Variants in PRKAG2 observed in about 807,000 individuals in gnomAD.
PRKAG2 encodes protein kinase AMP-activated non-catalytic subunit gamma 2, also known as 5'-AMP-activated protein kinase subunit gamma-2.
A neutral mutation model predicts 69.6 loss-of-function variants in PRKAG2; 26 were observed. That is an observed-to-expected ratio of 0.37 (90% CI 0.27 to 0.52). The LOEUF is 0.52. Among genes scored for constraint, PRKAG2 ranks in the 20% least tolerant of loss-of-function variants. PRKAG2 has a pLI of 0.90. For missense variants in PRKAG2, 557 were observed against 740.0 expected, an observed-to-expected ratio of 0.75 and a Z score of 2.87; for synonymous variants, 293 against 285.0, an observed-to-expected ratio of 1.03 and a Z score of -0.28.
At chr7:151,676,181 G>A (rs1407473644) in intron 3 of PRKAG2, among the ~76,000 whole-genome samples, 3 of 147,194 alleles carry the variant, frequency 2.0e-5, no homozygotes, top group African/African-American at 5.0e-5. Context: ...GGGGAAGTTC[G>A]GAAAATGTGC....
At chr7:151,852,158 G>A (rs111775877) in intron 1 of PRKAG2, among the ~76,000 whole-genome samples, 34 of 152,304 alleles carry the variant, frequency 2.2e-4, no homozygotes, top group African/African-American at 6.5e-4. Context: ...AGCTCAGACC[G>A]AGGCACTGGT....
chr7:151,731,085 G>A (rs1466079017), intron 3 of PRKAG2, among the ~76,000 whole-genome samples: 1 of 152,212 alleles, frequency 6.6e-6, no homozygotes, highest in African/African-American at 2.4e-5. Context: ...ATTGCAGAGG[G>A]TGAAAGCGCT....
intron 1 of PRKAG2, among the ~76,000 whole-genome samples, chr7:151,868,252 C>A (rs2080127593): frequency 6.6e-6 from 1 of 152,186 alleles, no homozygotes; most frequent in African/African-American, 2.4e-5. Context: ...GAGTGAGATT[C>A]CAATTAACCA....
chr7:151,713,336 T>G (rs914191224), intron 3 of PRKAG2, among the ~76,000 whole-genome samples: 2 of 152,200 alleles, frequency 1.3e-5, no homozygotes, highest in Non-Finnish European at 2.9e-5. Flanking sequence ...CAGACCCTTT[T>G]GTTTAATTCT....
intron 3 of PRKAG2, among the ~76,000 whole-genome samples, chr7:151,747,425 C>T (rs551722135): frequency 3.3e-5 from 5 of 152,158 alleles, no homozygotes; most frequent in South Asian, 2.1e-4. Context: ...GGCGTGGTGG[C>T]GGGCGCCTGT....
At chr7:151,740,874 G>A (rs1008869227) in intron 3 of PRKAG2, among the ~76,000 whole-genome samples, 3 of 152,216 alleles carry the variant, frequency 2.0e-5, no homozygotes, top group Admixed American at 6.5e-5. Context: ...AACAAGCCGC[G>A]AAATCTACCG....
rs1429742334 is a variant in PRKAG2 at position 151,632,156 on chromosome 7, G to A, written c.685-18C>T. 1 of 1,371,472 alleles carries A rather than the reference G, an allele frequency of 7.3e-7. No individual in the cohort carries two copies. Among genetic ancestry groups the A allele is most frequent in the Non-Finnish European group, 9.5e-7 (1 of 1,049,324 alleles). The allele number at this position is 1,371,472 out of a possible 1,614,324, so 85.0% of individuals were successfully genotyped here. A position where few individuals can be genotyped will look rare whatever the true frequency, so the allele number is the denominator to read the frequency against. On this transcript the variant is annotated intron_variant, in intron 4 of 15. Transcript: ENST00000287878. This position sits in a 1 kb window ranked among gnomAD's most constrained non-coding sequence, Gnocchi z 4.2. ...AGCGCCGCCTGAGGGGGAGGAGGAG[G>A]ACAGCGATCAGCATGAGCTGCGACG...
chr7:151,584,402 G>A (rs1288301858), intron 6 of PRKAG2, among the ~76,000 whole-genome samples: 1 of 152,034 alleles, frequency 6.6e-6, no homozygotes, highest in Non-Finnish European at 1.5e-5. Context: ...TGAATGGGCA[G>A]CCATCTGACA....
chr7:151,753,658 T>C (rs1193921457), intron 3 of PRKAG2, among the ~76,000 whole-genome samples: 2 of 152,106 alleles, frequency 1.3e-5, no homozygotes, highest in East Asian at 3.9e-4. Context: ...GCTCAAGTGA[T>C]CCACTACCTT....
chr7:151,740,790 G>GT (rs761730124), intron 3 of PRKAG2, among the ~76,000 whole-genome samples: 3 of 152,200 alleles, frequency 2.0e-5, no homozygotes, highest in Non-Finnish European at 2.9e-5. Flanking sequence ...GGCCTTCAGG[G>GT]TTGGAGGGTG....
At chr7:151,612,000 G>T (rs1267257130) in intron 5 of PRKAG2, among the ~76,000 whole-genome samples, 1 of 152,232 alleles carries the variant, frequency 6.6e-6, no homozygotes, top group East Asian at 1.9e-4. Flanking sequence ...AGCTGAGATT[G>T]TGTCACCGCA....
In PRKAG2 at chr7:151,870,111, TGATAGATAGATA is replaced by T. The variant is rs57003272; in HGVS notation, c.114+6384_114+6395del. 2.2e-4 allele frequency among the ~76,000 whole-genome samples: 26 copies of T among 120,400 alleles called. No homozygotes were observed. The East Asian group carries it at 5.2e-3, about 24-fold the overall frequency. 79.0% of individuals were successfully genotyped at this position (120,400 alleles called of 152,430 possible). A position where few individuals can be genotyped will look rare whatever the true frequency, so the allele number is the denominator to read the frequency against. ...TCAATGACAGCTGAAAAGGTGCAGATGATAGATAGATAGATAGATAGATAGATAGATAGATAG... is the reference window on the plus strand; with the variant it reads ...TCAATGACAGCTGAAAAGGTGCAGATGATAGATAGATAGATAGATAGATAG... On this transcript the variant is annotated intron_variant, in intron 1 of 15. Coordinates refer to ENST00000287878, the MANE Select transcript of PRKAG2 (RefSeq NM_016203.4).
At chr7:151,613,654 C>G (rs1475477490) in intron 5 of PRKAG2, among the ~76,000 whole-genome samples, 1 of 151,678 alleles carries the variant, frequency 6.6e-6, no homozygotes, top group Non-Finnish European at 1.5e-5. Context: ...CCCACCACCA[C>G]GCCTGGCTAA....
At chr7:151,819,063 C>A (rs1216287580) in intron 1 of PRKAG2, among the ~76,000 whole-genome samples, 1 of 152,200 alleles carries the variant, frequency 6.6e-6, no homozygotes, top group African/African-American at 2.4e-5. Flanking sequence ...GAGTGGTGTG[C>A]AGAGTGAGTC....
chr7:151,785,961 A>G (rs2076984551), intron 2 of PRKAG2, among the ~76,000 whole-genome samples: 1 of 152,072 alleles, frequency 6.6e-6, no homozygotes, highest in African/African-American at 2.4e-5. Flanking sequence ...TGCAGGAGGG[A>G]CGGCGAGGAG....
chr7:151,816,561 A>T (rs1466971905), intron 1 of PRKAG2, among the ~76,000 whole-genome samples: 1 of 152,196 alleles, frequency 6.6e-6, no homozygotes, highest in African/African-American at 2.4e-5. Flanking sequence ...ATCAGGACAG[A>T]AATAAGCATC....
intron 5 of PRKAG2, among the ~76,000 whole-genome samples, chr7:151,620,141 G>A (rs578200455): frequency 5.9e-5 from 9 of 152,290 alleles, no homozygotes; most frequent in Admixed American, 4.6e-4. Context: ...TGCTGCCCCC[G>A]CTGGCTGTCA....
At chr7:151,663,123 C>T (rs1830553467) in intron 4 of PRKAG2, among the ~76,000 whole-genome samples, 1 of 152,158 alleles carries the variant, frequency 6.6e-6, no homozygotes, top group Admixed American at 6.6e-5. Context: ...CAAGTCCCTC[C>T]TCTGGAAATC....
At chr7:151,557,909 A>C (rs5016446) in intron 15 of PRKAG2, 613,415 of 977,228 alleles carry the variant, frequency 0.63, 197,651 homozygotes, top group Non-Finnish European at 0.66. Flanking sequence ...CAAAAAAAAA[A>C]CCTTTATAAA....
Sources: allele counts gnomAD v4.1 joint callset (sites outside exome capture counted in the v4.1 genomes callset), GRCh38; gene constraint gnomAD v4.1.1; non-coding constraint Gnocchi (gnomAD v3.1); transcripts MANE v1.5; gene names NCBI Gene and HGNC (gene_info 2026-07-23, HGNC 2026-07-21).